RASGRF2: variants seen among roughly 807,000 people sequenced by gnomAD.
RASGRF2 encodes the protein Ras protein specific guanine nucleotide releasing factor 2.
In RASGRF2, 76 loss-of-function variants were observed where a neutral mutation model predicts 151.0. The observed-to-expected ratio is 0.50, with a 90% CI of 0.42 to 0.61. The LOEUF (loss-of-function observed/expected upper bound fraction) is 0.61, where lower values mean the gene tolerates loss of function less well. Ranked by LOEUF, RASGRF2 falls within the 20% of genes least tolerant of loss-of-function variation. The pLI, the probability that RASGRF2 is intolerant of heterozygous loss-of-function variation, is 0.00. For missense variants in RASGRF2, 1,148 were observed against 1,564.6 expected, an observed-to-expected ratio of 0.73 and a Z score of 4.49; for synonymous variants, 504 against 566.5, an observed-to-expected ratio of 0.89 and a Z score of 1.57.
intron 17 of RASGRF2, among the ~76,000 whole-genome samples, chr5:81,153,665 G>A (rs192580994): frequency 1.1e-4 from 17 of 152,180 alleles, no homozygotes; most frequent in Admixed American, 3.3e-4. Flanking sequence ...AAACTAATAT[G>A]GAATGAATAG....
At chr5:81,012,398 A>G (rs1198659735) in intron 1 of RASGRF2, among the ~76,000 whole-genome samples, 2 of 152,154 alleles carry the variant, frequency 1.3e-5, no homozygotes, top group South Asian at 2.1e-4. Context: ...CATACCACAT[A>G]TCATTTATTT....
intron 1 of RASGRF2, among the ~76,000 whole-genome samples, chr5:80,962,445 T>G (rs539122282): frequency 2.6e-5 from 4 of 152,118 alleles, no homozygotes; most frequent in African/African-American, 9.7e-5. Context: ...TTTTTTAAGG[T>G]ATGTGTTCCA....
chr5:81,073,624 A>AT (rs767951689), intron 5 of RASGRF2, among the ~76,000 whole-genome samples, 172 bp downstream of exon 5: 18 of 151,512 alleles, frequency 1.2e-4, no homozygotes, highest in South Asian at 4.2e-4. Context: ...TATTTTATTT[A>AT]TTTATTTTTT....
intron 1 of RASGRF2, among the ~76,000 whole-genome samples, chr5:81,010,873 TG>T (rs1749436298): frequency 6.6e-6 from 1 of 152,238 alleles, no homozygotes; most frequent in Non-Finnish European, 1.5e-5. Context: ...TTTACATAAA[TG>T]TTTCCAGTAA....
intron 24 of RASGRF2, among the ~76,000 whole-genome samples, chr5:81,216,363 ACACACG>A (rs61206705): frequency 0.034 from 3,275 of 96,034 alleles, 71 homozygotes; most frequent in African/African-American, 0.089. Flanking sequence ...ACACACACAC[ACACACG>A]CACACACACA....
chr5:81,144,353 C>G (rs1342408418), intron 17 of RASGRF2, among the ~76,000 whole-genome samples: 5 of 152,206 alleles, frequency 3.3e-5, no homozygotes, highest in African/African-American at 1.2e-4. Flanking sequence ...AGGAGAATAT[C>G]CCCTTAGACT....
intron 15 of RASGRF2, among the ~76,000 whole-genome samples, chr5:81,123,202 G>A (rs553422531): frequency 6.6e-6 from 1 of 152,242 alleles, no homozygotes; most frequent in African/African-American, 2.4e-5. Flanking sequence ...TCCCTGGTGA[G>A]GGCCACATTA....
intron 1 of RASGRF2, among the ~76,000 whole-genome samples, chr5:80,971,879 T>TTTTTATTTTA (rs1351042907): frequency 6.6e-6 from 1 of 151,696 alleles, no homozygotes; most frequent in Non-Finnish European, 1.5e-5. Context: ...CCCCAGCTAA[T>TTTTTATTTTA]TTTTATTTTA....
chr5:81,126,979 C>G (rs750889131), intron 16 of RASGRF2, 95 bp from the exon 17 acceptor site: 1 of 1,374,554 alleles, frequency 7.3e-7, no homozygotes, highest in Admixed American at 1.8e-5. Context: ...TTGGCCCAGT[C>G]CTTCATCTGG....
chr5:81,039,690 A>G (rs1750621264), intron 1 of RASGRF2, among the ~76,000 whole-genome samples: 1 of 152,204 alleles, frequency 6.6e-6, no homozygotes, highest in Non-Finnish European at 1.5e-5. Flanking sequence ...TAGAGGTTGT[A>G]AATATTAGTA....
intron 1 of RASGRF2, among the ~76,000 whole-genome samples, chr5:80,999,064 T>C (rs898085361): frequency 3.9e-5 from 6 of 152,272 alleles, no homozygotes; most frequent in Admixed American, 2.6e-4. Flanking sequence ...TTTTGGCAAA[T>C]AGACCCCAAA....
At chr5:81,040,877 G>C (rs1354451132) in intron 1 of RASGRF2, among the ~76,000 whole-genome samples, 1 of 152,152 alleles carries the variant, frequency 6.6e-6, no homozygotes, top group African/African-American at 2.4e-5. Flanking sequence ...AAATAAAATG[G>C]GGTAGAGATG....
intron 1 of RASGRF2, among the ~76,000 whole-genome samples, chr5:80,996,216 A>C (rs997549306): frequency 1.3e-5 from 2 of 152,074 alleles, no homozygotes; most frequent in African/African-American, 4.8e-5. Context: ...CAATTTTTGC[A>C]CTTTGTAGAA....
At chr5:81,066,748 G>T (rs1751618853) in intron 2 of RASGRF2, among the ~76,000 whole-genome samples, 1 of 152,198 alleles carries the variant, frequency 6.6e-6, no homozygotes, top group Non-Finnish European at 1.5e-5. Context: ...TATTATTGCA[G>T]TTCAAGCAAA....
At chr5:81,181,201 C>T (rs1473045486) in intron 18 of RASGRF2, among the ~76,000 whole-genome samples, 1 of 152,166 alleles carries the variant, frequency 6.6e-6, no homozygotes, top group Admixed American at 6.5e-5. Context: ...AAAGTAATTG[C>T]AGTTTCTGCC....
chr5:81,137,049 G>C (rs1358096114), intron 17 of RASGRF2, among the ~76,000 whole-genome samples: 2 of 151,926 alleles, frequency 1.3e-5, no homozygotes, highest in Admixed American at 1.3e-4. Flanking sequence ...ACATATTATA[G>C]ATATTTACCT....
chr5:81,206,708 C>G, intron 19 of RASGRF2, 137 bp from the exon 20 acceptor site: 1 of 689,982 alleles, frequency 1.4e-6, no homozygotes, highest in South Asian at 1.7e-5. Flanking sequence ...TCCAGCTCAG[C>G]AGTTGGTTGT....
In RASGRF2 at chr5:81,225,895, AC is replaced by A; in HGVS notation, c.*127del. ...TCCTTTCTCCACCAAAGAAGATGGAACCAGACTGGAATTCTGTCTCCAGAGA... is the reference window on the plus strand; with the variant it reads ...TCCTTTCTCCACCAAAGAAGATGGAACAGACTGGAATTCTGTCTCCAGAGA... On this transcript the variant is annotated 3_prime_UTR_variant, in exon 27 of 27. Coordinates refer to ENST00000265080, the MANE Select transcript of RASGRF2 (RefSeq NM_006909.3). The A allele has an allele frequency of 9.8e-7, 1 of 1,023,918 alleles. No homozygotes were observed. Among genetic ancestry groups the A allele is most frequent in the Non-Finnish European group, 1.3e-6 (1 of 747,968 alleles). 63.4% of individuals were successfully genotyped at this position (1,023,918 alleles called of 1,614,324 possible).
chr5:80,995,785 C>T lies in RASGRF2; in HGVS notation c.288+34759C>T, dbSNP rs141820293. 7.7e-3 allele frequency among the ~76,000 whole-genome samples: 1,144 copies of T among 149,202 alleles called. 9 individuals are homozygous for T. Among genetic ancestry groups the T allele is most frequent in the Admixed American group, 0.013 (192 of 14,794 alleles). ...TCATGTCACTGCAACCTGCGCCTCC[C>T]GGGTTCAAGCGATTCTCCCACCTCA... is the stretch of plus-strand genomic sequence containing the variant. On this transcript the variant is annotated intron_variant, in intron 1 of 26. Transcript: ENST00000265080.
Sources: allele counts gnomAD v4.1 joint callset (sites outside exome capture counted in the v4.1 genomes callset), GRCh38; gene constraint gnomAD v4.1.1; transcripts MANE v1.5; gene names NCBI Gene and HGNC (gene_info 2026-07-23, HGNC 2026-07-21).